The following PTPRN2 variants were observed in gnomAD, a reference collection of about 807,000 sequenced individuals.
PTPRN2 encodes protein tyrosine phosphatase receptor type N2.
In PTPRN2, 74 loss-of-function variants were observed where a neutral mutation model predicts 118.8. That is an observed-to-expected ratio of 0.62 (90% CI 0.52 to 0.76). The LOEUF (loss-of-function observed/expected upper bound fraction) is 0.76, where lower values mean the gene tolerates loss of function less well. Ranked by LOEUF, PTPRN2 falls within the 30% of genes least tolerant of loss-of-function variation. The probability of loss-of-function intolerance (pLI) is 0.00; values close to 1 mark genes in which losing one functional copy is unlikely to be tolerated. For synonymous variants in PTPRN2, 641 were observed against 608.0 expected (o/e 1.05, Z -0.80); for missense variants, 1,481 against 1,394.4 (o/e 1.06, Z -0.99).
chr7:158,144,582 T>C (rs1358813590), intron 6 of PTPRN2, among the ~76,000 whole-genome samples: 1 of 152,014 alleles, frequency 6.6e-6, no homozygotes, highest in African/African-American at 2.4e-5. Flanking sequence ...GAGGTTGCAG[T>C]GAGCTAAGAT....
intron 19 of PTPRN2, among the ~76,000 whole-genome samples, chr7:157,572,393 C>A (rs556689686): frequency 2.0e-5 from 3 of 152,180 alleles, no homozygotes; most frequent in South Asian, 2.1e-4. Context: ...GAAGTATGGA[C>A]CATCAATGGG....
At chr7:157,645,363 C>A (rs1312880095) in intron 14 of PTPRN2, among the ~76,000 whole-genome samples, 2 of 152,188 alleles carry the variant, frequency 1.3e-5, no homozygotes, top group African/African-American at 4.8e-5. Context: ...TTCGCTGATA[C>A]CTGAGGCTGG....
At chr7:157,993,814 G>A (rs572756302) in intron 11 of PTPRN2, among the ~76,000 whole-genome samples, 4 of 152,278 alleles carry the variant, frequency 2.6e-5, no homozygotes, top group East Asian at 1.9e-4. Flanking sequence ...TCTGGAGAGC[G>A]TCGATTGAGC....
In PTPRN2 at chr7:158,451,755, T is replaced by C. The variant is rs369534504; in HGVS notation, c.163+37980A>G. ...CACCCAGGCCTGAACATCCATCACA[T>C]AACTTCCCAGGAGTCAGGCTGGTGA... is the stretch of plus-strand genomic sequence containing the variant. On this transcript the variant is annotated intron_variant, in intron 2 of 22. Transcript: ENST00000389418. Among the ~76,000 whole-genome samples, 44 of 152,332 alleles carry C rather than the reference T, an allele frequency of 2.9e-4. 1 individual carries two copies. The South Asian group carries it at 8.7e-3, about 30-fold the overall frequency.
At chr7:157,573,237 C>T (rs112172739) in intron 19 of PTPRN2, among the ~76,000 whole-genome samples, 5 of 152,346 alleles carry the variant, frequency 3.3e-5, no homozygotes, top group African/African-American at 4.8e-5. Context: ...GACGTGAGCA[C>T]GTATGTGCAC....
At chr7:158,230,094 G>T (rs1829068042) in intron 3 of PTPRN2, among the ~76,000 whole-genome samples, 1 of 152,100 alleles carries the variant, frequency 6.6e-6, no homozygotes, top group African/African-American at 2.4e-5. Context: ...GATGACATTT[G>T]CAAAGTGCTG....
intron 1 of PTPRN2, among the ~76,000 whole-genome samples, chr7:158,498,680 G>C (rs970704005): frequency 2.6e-5 from 4 of 152,102 alleles, no homozygotes; most frequent in Non-Finnish European, 4.4e-5. Context: ...TGCTTTCACA[G>C]ATAAAAAGTT....
intron 11 of PTPRN2, among the ~76,000 whole-genome samples, chr7:157,993,454 A>G (rs1191227714): frequency 6.6e-6 from 1 of 152,054 alleles, no homozygotes; most frequent in Non-Finnish European, 1.5e-5. Context: ...TCAGAAATGT[A>G]ATTTCCATGA....
rs1563218804 is a variant in PTPRN2 at position 158,376,927 on chromosome 7, ACGCGGGGT to A, written c.164-60003_164-59996del. The stretch of plus-strand genomic sequence containing the variant: ...CCCACAGCCCTGTCACACGTCCTGC[ACGCGGGGT>A]CAGGGGACTCCCCCACAGCCCTGTC... On this transcript the variant is annotated intron_variant, in intron 2 of 22. Coordinates refer to ENST00000389418, the MANE Select transcript of PTPRN2 (RefSeq NM_002847.5). Among the ~76,000 whole-genome samples the A allele has an allele frequency of 7.0e-3, 51 of 7,288 alleles. 1 individual carries two copies. The highest frequency in any genetic ancestry group is 0.018 in the African/African-American group (48 of 2,692). The allele number at this position is 7,288 out of a possible 152,430, so 4.8% of individuals were successfully genotyped here. A position where few individuals can be genotyped will look rare whatever the true frequency, so the allele number is the denominator to read the frequency against.
intron 10 of PTPRN2, among the ~76,000 whole-genome samples, chr7:158,107,682 C>T (rs534544617): frequency 1.3e-5 from 2 of 152,318 alleles, no homozygotes; most frequent in Admixed American, 6.5e-5. Flanking sequence ...TGCCTTTCTA[C>T]AATTCTTCAA....
At chr7:158,481,282 GC>G (rs1466489424) in intron 2 of PTPRN2, among the ~76,000 whole-genome samples, 2 of 152,304 alleles carry the variant, frequency 1.3e-5, no homozygotes, top group East Asian at 3.9e-4. Flanking sequence ...AATATTTTAA[GC>G]CCACTATTGA....
intron 2 of PTPRN2, among the ~76,000 whole-genome samples, chr7:158,374,567 A>G (rs1466977863): frequency 6.6e-6 from 1 of 152,206 alleles, no homozygotes; most frequent in African/African-American, 2.4e-5. Flanking sequence ...AGAAAGAAAA[A>G]AAGAAAGAAC....
intron 9 of PTPRN2, among the ~76,000 whole-genome samples, chr7:158,116,490 T>C (rs1329748550): frequency 1.3e-5 from 2 of 152,228 alleles, no homozygotes; most frequent in African/African-American, 4.8e-5. Flanking sequence ...TTCAGCCCTG[T>C]GGCAAGCAGC....
At chr7:157,715,432 G>A (rs939707825) in intron 12 of PTPRN2, among the ~76,000 whole-genome samples, 2 of 152,240 alleles carry the variant, frequency 1.3e-5, no homozygotes, top group Admixed American at 1.3e-4. Flanking sequence ...GCATGAGGAG[G>A]CTGCTGTGTG....
At position 157,585,397 on chromosome 7, in the gene PTPRN2, A is replaced by G. The variant is rs1287783390; in HGVS notation, c.2497-7257T>C. Among the ~76,000 whole-genome samples, 1 of 152,204 alleles carries G rather than the reference A, an allele frequency of 6.6e-6. No individual in the cohort carries two copies. Among genetic ancestry groups the G allele is most frequent in the Non-Finnish European group, 1.5e-5 (1 of 68,030 alleles). ...GGTCTGTGTTCTCCGGGAAGGACTC[A>G]GCCTGCTTGTGTGCAAGCAGACCCC... On this transcript the variant is annotated intron_variant, in intron 17 of 22. Coordinates refer to ENST00000389418, the MANE Select transcript of PTPRN2 (RefSeq NM_002847.5). The surrounding 1 kb of genome is among the most constrained non-coding windows in gnomAD (Gnocchi z 5.2).
Position 157,598,391 on chromosome 7 carries a change from T to C in PTPRN2, c.2419-3076A>G, listed in dbSNP as rs967965160. ...CCAGGCCTCAGTCTCCGTATCTGTA[T>C]GGTGGGTGAGCTCAGGGAGTGAGGA... is the stretch of plus-strand genomic sequence containing the variant. On this transcript the variant is annotated intron_variant, in intron 16 of 22. Transcript: ENST00000389418. The surrounding 1 kb of genome is among the most constrained non-coding windows in gnomAD (Gnocchi z 5.2). Among the ~76,000 whole-genome samples, 1 of 152,118 alleles carries C rather than the reference T, an allele frequency of 6.6e-6. No homozygotes were observed. Among genetic ancestry groups the C allele is most frequent in the Non-Finnish European group, 1.5e-5 (1 of 68,042 alleles).
chr7:158,341,963 C>T (rs75224180), intron 2 of PTPRN2, among the ~76,000 whole-genome samples: 17 of 118,698 alleles, frequency 1.4e-4, no homozygotes, highest in African/African-American at 4.9e-4. Flanking sequence ...CGCCCGCAGA[C>T]GTCACTCACA....
Position 157,583,883 on chromosome 7 carries a change from A to AC in PTPRN2, c.2497-5744_2497-5743insG, listed in dbSNP as rs1800518269. Among the ~76,000 whole-genome samples, 1 of 134,158 alleles carries AC rather than the reference A, an allele frequency of 7.5e-6. No homozygotes were observed. The highest frequency in any genetic ancestry group is 2.8e-5 in the African/African-American group (1 of 35,528). 88.0% of individuals were successfully genotyped at this position (134,158 alleles called of 152,430 possible). On this transcript the variant is annotated intron_variant, in intron 17 of 22. Transcript: ENST00000389418. This position sits in a 1 kb window ranked among gnomAD's most constrained non-coding sequence, Gnocchi z 5.5. Reference sequence around the variant, plus strand: ...GGTGACAGAGCGAGACTCTGTCTCAAACACACACACACACACACACACACA... The same window carrying AC: ...GGTGACAGAGCGAGACTCTGTCTCAACACACACACACACACACACACACACA...
intron 1 of PTPRN2, among the ~76,000 whole-genome samples, chr7:158,566,224 GGCA>G (rs1401567599): frequency 5.3e-5 from 8 of 152,228 alleles, no homozygotes; most frequent in Admixed American, 2.0e-4. Flanking sequence ...CGTGGTGGCG[GGCA>G]CCTGTTATCC....
Sources: allele counts gnomAD v4.1 joint callset (sites outside exome capture counted in the v4.1 genomes callset), GRCh38; gene constraint gnomAD v4.1.1; non-coding constraint Gnocchi (gnomAD v3.1); transcripts MANE v1.5; gene names NCBI Gene and HGNC (gene_info 2026-07-23, HGNC 2026-07-21).